SFMBT1: variants seen among roughly 807,000 people sequenced by gnomAD.
SFMBT1 encodes Scm like with four mbt domains 1, also known as scm-like with four MBT domains protein 1.
Under a neutral mutation model 108.7 loss-of-function variants are expected in SFMBT1, and 32 were observed. That is an observed-to-expected ratio of 0.29 (90% CI 0.22 to 0.40). SFMBT1 has a LOEUF of 0.40. Ranked by LOEUF, SFMBT1 falls within the 10% of genes least tolerant of loss-of-function variation. SFMBT1 has a pLI of 1.00. For missense variants in SFMBT1, 816 were observed against 1,059.6 expected, an observed-to-expected ratio of 0.77 and a Z score of 3.19; for synonymous variants, 348 against 369.5, an observed-to-expected ratio of 0.94 and a Z score of 0.67.
In SFMBT1 at chr3:52,969,089, T is replaced by A; in HGVS notation, c.28+12A>T. On this transcript the variant is annotated intron_variant, in intron 2 of 20. Transcript: ENST00000394752. Reference sequence around the variant, plus strand: ...CATCCTAGAGAATAAATTCTGAGAATAAAACCAATACCTGCATCAAGCTGC... The same window carrying A: ...CATCCTAGAGAATAAATTCTGAGAAAAAAACCAATACCTGCATCAAGCTGC... 1.2e-6 allele frequency: 2 copies of A among 1,613,810 alleles called. No individual in the cohort carries two copies. Among genetic ancestry groups the A allele is most frequent in the Non-Finnish European group, 1.7e-6 (2 of 1,179,906 alleles).
At chr3:53,034,179 T>C (rs1699788650) in intron 1 of SFMBT1, among the ~76,000 whole-genome samples, 1 of 152,168 alleles carries the variant, frequency 6.6e-6, no homozygotes. Flanking sequence ...TGAAGGAATG[T>C]GTTTTAATAA....
chr3:52,998,500 C>A (rs1191802066), intron 1 of SFMBT1, among the ~76,000 whole-genome samples: 1 of 150,424 alleles, frequency 6.6e-6, no homozygotes, highest in Non-Finnish European at 1.5e-5. Flanking sequence ...ACCCACCATG[C>A]CCCCATCATG....
At chr3:52,937,429 T>A (rs1245041034) in intron 4 of SFMBT1, among the ~76,000 whole-genome samples, 1 of 152,206 alleles carries the variant, frequency 6.6e-6, no homozygotes, top group Non-Finnish European at 1.5e-5. Flanking sequence ...TTTCTAAACA[T>A]TTAATTTTGC....
At chr3:52,960,858 C>T (rs767213137) in intron 2 of SFMBT1, among the ~76,000 whole-genome samples, 19 of 152,262 alleles carry the variant, frequency 1.2e-4, no homozygotes, top group Non-Finnish European at 2.2e-4. Flanking sequence ...AAATTCTGGC[C>T]GGGTGCGGTG....
In SFMBT1 at chr3:53,041,698, CAAAAAAAAAAAAA is replaced by C. The variant is rs59502728; in HGVS notation, c.-131+4105_-131+4117del. On this transcript the variant is annotated intron_variant, in intron 1 of 20. Coordinates refer to ENST00000394752, the MANE Select transcript of SFMBT1 (RefSeq NM_016329.4). ...GGGCAACAAGAGTAAAAGTCTGTCT[CAAAAAAAAAAAAA>C]AAAAAAAAAAAAAAAAAAAATTCTT... is the stretch of plus-strand genomic sequence containing the variant. Among the ~76,000 whole-genome samples, 246 of 44,170 alleles carry C rather than the reference CAAAAAAAAAAAAA, an allele frequency of 5.6e-3. 1 individual carries two copies. Among genetic ancestry groups the C allele is most frequent in the Non-Finnish European group, 7.6e-3 (193 of 25,306 alleles). The allele number at this position is 44,170 out of a possible 152,430, so 29.0% of individuals were successfully genotyped here. A position where few individuals can be genotyped will look rare whatever the true frequency, so the allele number is the denominator to read the frequency against.
Position 53,041,841 on chromosome 3 carries a change from C to T in SFMBT1, c.-131+3975G>A, listed in dbSNP as rs773224929. ...CTCGCAAGTAACCAAAATCCCCACA[C>T]ACTTTTATCCCATTTAATAACTATG... On this transcript the variant is annotated intron_variant, in intron 1 of 20. Coordinates refer to ENST00000394752, the MANE Select transcript of SFMBT1 (RefSeq NM_016329.4). Among the ~76,000 whole-genome samples the T allele has an allele frequency of 4.6e-5, 7 of 151,850 alleles. No individual in the cohort carries two copies. In the South Asian group the frequency reaches 1.5e-3, roughly 32 times the overall value.
intron 4 of SFMBT1, among the ~76,000 whole-genome samples, chr3:52,937,752 T>C (rs1161659190): frequency 2.6e-4 from 40 of 152,060 alleles, no homozygotes; most frequent in Admixed American, 2.6e-3. Context: ...TTGGCTAATT[T>C]TTGTATTTTT....
chr3:53,035,922 C>G (rs896009337), intron 1 of SFMBT1, among the ~76,000 whole-genome samples: 14 of 152,164 alleles, frequency 9.2e-5, no homozygotes, highest in Admixed American at 2.0e-4. Flanking sequence ...GAAAGGAGCC[C>G]TTCAGCATTT....
chr3:53,032,538 C>T (rs1012467292), intron 1 of SFMBT1, among the ~76,000 whole-genome samples: 4 of 152,280 alleles, frequency 2.6e-5, no homozygotes, highest in African/African-American at 9.6e-5. Context: ...CCACTGGCAG[C>T]CTCTAAGCCT....
chr3:52,985,871 G>C (rs1023711474), intron 1 of SFMBT1, among the ~76,000 whole-genome samples: 18 of 152,160 alleles, frequency 1.2e-4, no homozygotes, highest in African/African-American at 4.3e-4. Context: ...GGCCAGGCGA[G>C]GTGGCTCACG....
chr3:52,983,013 T>C (rs1444026744), intron 1 of SFMBT1, among the ~76,000 whole-genome samples: 1 of 152,160 alleles, frequency 6.6e-6, no homozygotes, highest in Non-Finnish European at 1.5e-5. Flanking sequence ...TGATACCATA[T>C]AGAAACAGTT....
intron 1 of SFMBT1, among the ~76,000 whole-genome samples, chr3:53,041,003 T>G (rs867330846): frequency 3.4e-3 from 334 of 97,824 alleles, no homozygotes; most frequent in African/African-American, 0.013. Flanking sequence ...TTTTTTTTTT[T>G]GTAGAGACAG....
At chr3:53,016,833 CTTATT>C (rs978400684) in intron 1 of SFMBT1, among the ~76,000 whole-genome samples, 2 of 152,082 alleles carry the variant, frequency 1.3e-5, no homozygotes, top group Admixed American at 6.6e-5. Context: ...CTTTTTGCCT[CTTATT>C]TTAAGAAATT....
chr3:52,954,302 A>G lies in SFMBT1; in HGVS notation c.123+15T>C, dbSNP rs1369828318. ...GGGATATAACACCAGTAAGGCAAAT[A>G]TAGTTATTGCTTACATGTTTAAAAG... On this transcript the variant is annotated intron_variant, in intron 3 of 20. Transcript: ENST00000394752. The G allele has an allele frequency of 1.3e-6, 2 of 1,573,982 alleles. No individual in the cohort carries two copies. Among genetic ancestry groups the G allele is most frequent in the African/African-American group, 1.4e-5 (1 of 73,978 alleles).
chr3:52,972,744 A>AACACACACACACACACACACAC (rs55859723), intron 1 of SFMBT1, among the ~76,000 whole-genome samples: 2 of 95,092 alleles, frequency 2.1e-5, no homozygotes, highest in African/African-American at 4.4e-5. Context: ...ATCTCTACTA[A>AACACACACACACACACACACAC]ACACACACAC....
chr3:53,004,726 T>C (rs1431293380), intron 1 of SFMBT1, among the ~76,000 whole-genome samples: 1 of 150,196 alleles, frequency 6.7e-6, no homozygotes, highest in African/African-American at 2.4e-5. Context: ...GTTCTCCATC[T>C]TAAGCCCCTA....
chr3:52,932,653 G>T (rs980885808), intron 5 of SFMBT1, among the ~76,000 whole-genome samples: 1 of 152,150 alleles, frequency 6.6e-6, no homozygotes, highest in Non-Finnish European at 1.5e-5. Flanking sequence ...GCTCACACCT[G>T]TAATCCCAGT....
intron 1 of SFMBT1, among the ~76,000 whole-genome samples, chr3:53,038,649 TC>T (rs1699940279): frequency 6.6e-6 from 1 of 152,214 alleles, no homozygotes; most frequent in African/African-American, 2.4e-5. Flanking sequence ...AAACCTGCTT[TC>T]TCTCCAACCA....
intron 5 of SFMBT1, among the ~76,000 whole-genome samples, chr3:52,933,465 A>T (rs919377701): frequency 1.3e-5 from 2 of 152,210 alleles, no homozygotes; most frequent in African/African-American, 4.8e-5. Context: ...ACACAACCTT[A>T]CATTTTTTTC....
Sources: gnomAD v4.1 joint callset for allele counts (sites outside exome capture counted in the v4.1 genomes callset) on GRCh38, gnomAD v4.1.1 for gene constraint, MANE v1.5 for transcripts, NCBI Gene and HGNC (gene_info 2026-07-23, HGNC 2026-07-21) for gene names.